The following ZBTB7C variants were observed in gnomAD, a reference collection of about 807,000 sequenced individuals.
ZBTB7C encodes zinc finger and BTB domain-containing protein 7C.
Under a neutral mutation model 25.7 loss-of-function variants are expected in ZBTB7C, and 8 were observed. The ratio of observed to expected loss-of-function variants is 0.31; its 90% CI spans 0.18 to 0.56. The LOEUF (loss-of-function observed/expected upper bound fraction) is 0.56, where lower values mean the gene tolerates loss of function less well. Among genes scored for constraint, ZBTB7C ranks in the 20% least tolerant of loss-of-function variants. The probability of loss-of-function intolerance (pLI) is 0.91; values close to 1 mark genes in which losing one functional copy is unlikely to be tolerated. For synonymous variants in ZBTB7C, 394 were observed against 369.0 expected (o/e 1.07, Z -0.78); for missense variants, 824 against 855.2 (o/e 0.96, Z 0.46).
intron 2 of ZBTB7C, among the ~76,000 whole-genome samples, chr18:48,195,596 G>C (rs2042300515): frequency 6.6e-6 from 1 of 152,126 alleles, no homozygotes; most frequent in South Asian, 2.1e-4. Flanking sequence ...GTCTTTATTA[G>C]CAGTGTGAGA....
chr18:48,306,203 G>A (rs187866106), intron 2 of ZBTB7C, among the ~76,000 whole-genome samples: 2 of 152,248 alleles, frequency 1.3e-5, no homozygotes, highest in Admixed American at 1.3e-4. Flanking sequence ...CTGAGGGTGG[G>A]TGATCTCTCC....
intron 3 of ZBTB7C, among the ~76,000 whole-genome samples, chr18:48,106,345 GA>G (rs56291079): frequency 0.19 from 26,716 of 139,516 alleles, 2,682 homozygotes; most frequent in Non-Finnish European, 0.25. Context: ...AAAGTGGCAA[GA>G]AAAAAAAAAA....
At chr18:48,249,824 C>T (rs1247152908) in intron 2 of ZBTB7C, among the ~76,000 whole-genome samples, 1 of 152,100 alleles carries the variant, frequency 6.6e-6, no homozygotes, top group Non-Finnish European at 1.5e-5. Flanking sequence ...TTTTAACACT[C>T]CCTCTGCTGT....
intron 3 of ZBTB7C, among the ~76,000 whole-genome samples, chr18:48,093,491 C>A (rs2144565902): frequency 6.6e-6 from 1 of 152,168 alleles, no homozygotes; most frequent in East Asian, 1.9e-4. Flanking sequence ...TAAGGCTGAG[C>A]AAGAAAAAGT....
chr18:48,234,535 C>T (rs1012706446), intron 2 of ZBTB7C, among the ~76,000 whole-genome samples: 17 of 151,920 alleles, frequency 1.1e-4, no homozygotes, highest in Non-Finnish European at 2.1e-4. Context: ...TGTGTATTTA[C>T]CTGCTAGGGT....
intron 2 of ZBTB7C, among the ~76,000 whole-genome samples, chr18:48,316,839 C>T (rs1257566249): frequency 6.6e-6 from 1 of 152,206 alleles, no homozygotes; most frequent in East Asian, 1.9e-4. Flanking sequence ...AGACCTCGTT[C>T]TACGTGGTGA....
At chr18:48,083,302 A>G (rs1347193541) in intron 3 of ZBTB7C, among the ~76,000 whole-genome samples, 1 of 152,082 alleles carries the variant, frequency 6.6e-6, no homozygotes, top group Non-Finnish European at 1.5e-5. Flanking sequence ...AGCCCTCTAG[A>G]ACCAACATCC....
chr18:48,055,181 G>T (rs532913989), intron 3 of ZBTB7C, among the ~76,000 whole-genome samples: 3 of 151,818 alleles, frequency 2.0e-5, no homozygotes, highest in Non-Finnish European at 4.4e-5. Context: ...AGGCTGAGGC[G>T]GGAGGATCAT....
At chr18:48,068,341 G>T (rs558560375) in intron 3 of ZBTB7C, among the ~76,000 whole-genome samples, 1 of 151,748 alleles carries the variant, frequency 6.6e-6, no homozygotes, top group Non-Finnish European at 1.5e-5. Context: ...GGGTTTCACC[G>T]TGTTAGCCAG....
At chr18:48,102,961 T>C (rs1474207774) in intron 3 of ZBTB7C, among the ~76,000 whole-genome samples, 1 of 151,496 alleles carries the variant, frequency 6.6e-6, no homozygotes, top group Middle Eastern at 3.2e-3. Flanking sequence ...TCAATTCAAC[T>C]GATGACATTT....
At chr18:48,144,291 T>A (rs150712822) in intron 3 of ZBTB7C, among the ~76,000 whole-genome samples, 221 of 110,486 alleles carry the variant, frequency 2.0e-3, no homozygotes, top group South Asian at 0.018. Flanking sequence ...AAAAAAAAAT[T>A]TTTTTTTTCT....
chr18:48,338,805 G>C (rs927959074), intron 1 of ZBTB7C, among the ~76,000 whole-genome samples: 1 of 151,702 alleles, frequency 6.6e-6, no homozygotes. Context: ...GCATGTTCTC[G>C]CATGTGAGAT....
intron 2 of ZBTB7C, among the ~76,000 whole-genome samples, chr18:48,242,566 A>C (rs2043558346): frequency 6.6e-6 from 1 of 152,212 alleles, no homozygotes; most frequent in Non-Finnish European, 1.5e-5. Flanking sequence ...AATAAATGTG[A>C]TATACCACAT....
At position 48,320,601 on chromosome 18, in the gene ZBTB7C, C is replaced by G. The variant is rs574885622; in HGVS notation, c.-79+17573G>C. On this transcript the variant is annotated intron_variant, in intron 2 of 4. Transcript: ENST00000590800. ...ATCATGATGACACAGCTGCTGCTCT[C>G]CTGGGGGCTCCCAGGCTGACAGCCA... is the stretch of plus-strand genomic sequence containing the variant. Among the ~76,000 whole-genome samples, 340 of 152,336 alleles carry G rather than the reference C, an allele frequency of 2.2e-3. 1 individual carries two copies. The highest frequency in any genetic ancestry group is 4.2e-3 in the Non-Finnish European group (289 of 68,016).
chr18:48,409,934 G>T (rs1365446068), upstream of ZBTB7C, among the ~76,000 whole-genome samples: 6 of 149,686 alleles, frequency 4.0e-5, no homozygotes, highest in East Asian at 1.2e-3. Context: ...CCCCAGCGCA[G>T]GCTTGGGACC....
intron 3 of ZBTB7C, among the ~76,000 whole-genome samples, chr18:48,084,054 G>A (rs1036354416): frequency 1.3e-5 from 2 of 152,192 alleles, no homozygotes; most frequent in African/African-American, 4.8e-5. Flanking sequence ...CAGGCATGAG[G>A]CCTCCTCTGC....
chr18:48,142,175 C>G (rs2040368979), intron 3 of ZBTB7C, among the ~76,000 whole-genome samples: 2 of 152,240 alleles, frequency 1.3e-5, no homozygotes, highest in Admixed American at 6.5e-5. Context: ...CTCCATCAAA[C>G]TCCTCCACTT....
chr18:48,232,425 C>T (rs921278140), intron 2 of ZBTB7C, among the ~76,000 whole-genome samples: 5 of 152,074 alleles, frequency 3.3e-5, no homozygotes, highest in Non-Finnish European at 7.4e-5. Context: ...ATGGCAGCCC[C>T]GAGAAACTAA....
At chr18:48,307,295 C>T (rs572038888) in intron 2 of ZBTB7C, among the ~76,000 whole-genome samples, 73 of 152,278 alleles carry the variant, frequency 4.8e-4, no homozygotes, top group African/African-American at 1.8e-3. Flanking sequence ...CTCATATGCC[C>T]AAAGGCACAA....
Sources: allele counts gnomAD v4.1 joint callset (sites outside exome capture counted in the v4.1 genomes callset), GRCh38; gene constraint gnomAD v4.1.1; transcripts MANE v1.5; gene names NCBI Gene and HGNC (gene_info 2026-07-23, HGNC 2026-07-21).